GFPT2: variants seen among roughly 807,000 people sequenced by gnomAD.
The protein encoded by GFPT2 is glutamine--fructose-6-phosphate aminotransferase [isomerizing] 2.
A neutral mutation model predicts 85.6 loss-of-function variants in GFPT2; 62 were observed. The ratio of observed to expected loss-of-function variants is 0.72; its 90% CI spans 0.59 to 0.90. The LOEUF is 0.90. Ranked by LOEUF, GFPT2 falls within the 40% of genes least tolerant of loss-of-function variation. GFPT2 has a pLI of 0.00. For missense variants in GFPT2, 788 were observed against 893.4 expected (o/e 0.88, Z 1.50); for synonymous variants, 368 against 344.5 (o/e 1.07, Z -0.75).
chr5:180,302,622 C>G (rs1319171330), intron 17 of GFPT2, 38 bp from the exon 18 acceptor site: 2 of 1,537,774 alleles, frequency 1.3e-6, no homozygotes, highest in Non-Finnish European at 9.0e-7. Context: ...TAGACCCTCT[C>G]TGAAAGAAGC....
Position 180,328,476 on chromosome 5 carries a change from A to G in GFPT2, c.535-138T>C. ...TCCCTCGGGGAGCTGAGTGCAGAAC[A>G]GCGCATCCGGGGTGACATCACGAGG... On this transcript the variant is annotated intron_variant, in intron 6 of 18. Transcript: ENST00000253778. The surrounding 1 kb of genome is among the most constrained non-coding windows in gnomAD (Gnocchi z 5.4). 2 of 666,142 alleles carry G rather than the reference A, an allele frequency of 3.0e-6. No individual in the cohort carries two copies. Among genetic ancestry groups the G allele is most frequent in the Non-Finnish European group, 5.4e-6 (2 of 370,870 alleles). 41.3% of individuals were successfully genotyped at this position (666,142 alleles called of 1,614,324 possible).
intron 2 of GFPT2, among the ~76,000 whole-genome samples, chr5:180,336,805 C>T (rs1030057759): frequency 2.6e-5 from 4 of 152,256 alleles, no homozygotes; most frequent in Non-Finnish European, 5.9e-5. Flanking sequence ...TGCCCCCAGC[C>T]CTGCTCCTGC....
chr5:180,327,404 G>A (rs1035128833), intron 7 of GFPT2, among the ~76,000 whole-genome samples: 1 of 152,168 alleles, frequency 6.6e-6, no homozygotes, highest in African/African-American at 2.4e-5. Context: ...TTGCCAACGG[G>A]GATCCTGGGA....
chr5:180,324,395 T>G, intron 8 of GFPT2, 90 bp from the exon 9 acceptor site: 1 of 793,926 alleles, frequency 1.3e-6, no homozygotes, highest in Non-Finnish European at 2.1e-6. Flanking sequence ...TCTGAATATG[T>G]GTGGGAGAAA....
Position 180,312,522 on chromosome 5 carries a change from G to A in GFPT2, c.1454C>T (p.Ser485Phe). The A allele has an allele frequency of 6.3e-7, 1 of 1,591,222 alleles. No individual in the cohort carries two copies. Among genetic ancestry groups the A allele is most frequent in the Non-Finnish European group, 8.6e-7 (1 of 1,159,036 alleles). ...CATCATCAAACCAAACATCACCAGA[G>A]AGATGAACTGACTGGTATAAGCCTG... is the stretch of plus-strand genomic sequence containing the variant. Reference protein sequence around the residue: ...STKAYTSQFISLVMFGLMMSE... With the variant: ...STKAYTSQFIFLVMFGLMMSE... Residue 485 changes from serine (S) to phenylalanine (F), a missense_variant, in exon 15 of 19, where the codon TCT becomes TTT. By Grantham distance (155) the Ser-to-Phe change is radical. Transcript: ENST00000253778.
chr5:180,321,078 A>G (rs1253371153), intron 9 of GFPT2, among the ~76,000 whole-genome samples: 5 of 152,244 alleles, frequency 3.3e-5, no homozygotes, highest in African/African-American at 1.2e-4. Context: ...TTTGTATAAA[A>G]GTGTACAAAT....
rs1764017282 is a variant in GFPT2 at position 180,316,751 on chromosome 5, G to A, written c.1152+13C>T. 2 of 1,580,144 alleles carry A rather than the reference G, an allele frequency of 1.3e-6. No homozygotes were observed. The highest frequency in any genetic ancestry group is 1.1e-5 in the South Asian group (1 of 90,130). ...CTGCCGTCGACTTCCCCACGCACAT[G>A]TGTCACACTTACAGCCACGGCAGCG... On this transcript the variant is annotated intron_variant, in intron 12 of 18. Transcript: ENST00000253778.
intron 15 of GFPT2, among the ~76,000 whole-genome samples, chr5:180,311,856 G>A (rs1258080568): frequency 1.3e-5 from 2 of 152,132 alleles, no homozygotes; most frequent in African/African-American, 2.4e-5. Context: ...GAGATGAGAA[G>A]CTGTCGGCTG....
intron 1 of GFPT2, among the ~76,000 whole-genome samples, chr5:180,346,453 C>T (rs1343841062): frequency 6.6e-6 from 1 of 152,206 alleles, no homozygotes; most frequent in Non-Finnish European, 1.5e-5. Context: ...CCACCTTTCT[C>T]CTCCTGTTCA....
chr5:180,340,503 GC>G (rs1764493339), intron 1 of GFPT2, among the ~76,000 whole-genome samples: 1 of 142,010 alleles, frequency 7.0e-6, no homozygotes, highest in African/African-American at 2.6e-5. Context: ...ACCCTGCCTG[GC>G]CTGCAGGTTT....
Position 180,328,380 on chromosome 5 carries a change from C to G in GFPT2, c.535-42G>C. 6.6e-7 allele frequency: 1 copy of G among 1,514,354 alleles called. No homozygotes were observed. Among genetic ancestry groups the G allele is most frequent in the South Asian group, 1.1e-5 (1 of 89,090 alleles). 93.8% of individuals were successfully genotyped at this position (1,514,354 alleles called of 1,614,324 possible). Reference sequence around the variant, plus strand: ...AGTGAGGGTCAACGCGTTCCAGCAGCCGCTGCTGCAGCCTGGCCACAGCCC... The same window carrying G: ...AGTGAGGGTCAACGCGTTCCAGCAGGCGCTGCTGCAGCCTGGCCACAGCCC... On this transcript the variant is annotated intron_variant, in intron 6 of 18. Transcript: ENST00000253778. The surrounding 1 kb of genome is among the most constrained non-coding windows in gnomAD (Gnocchi z 5.4).
At chr5:180,346,542 C>A (rs369949899) in intron 1 of GFPT2, among the ~76,000 whole-genome samples, 3 of 152,314 alleles carry the variant, frequency 2.0e-5, no homozygotes, top group South Asian at 2.1e-4. Context: ...CTCTGCCCCG[C>A]GGGCCCACCG....
intron 2 of GFPT2, 26 bp from the exon 3 acceptor site, chr5:180,336,603 A>G (rs778056416): frequency 3.8e-5 from 55 of 1,449,442 alleles, no homozygotes; most frequent in Non-Finnish European, 5.1e-5. Context: ...CATTTGTTAT[A>G]TTGCAACCAA....
At chr5:180,325,845 C>T (rs1313026738) in intron 7 of GFPT2, among the ~76,000 whole-genome samples, 4 of 152,028 alleles carry the variant, frequency 2.6e-5, no homozygotes, top group Non-Finnish European at 4.4e-5. Flanking sequence ...GCCAACATGG[C>T]GGAACCCTGT....
intron 1 of GFPT2, among the ~76,000 whole-genome samples, chr5:180,346,255 C>A (rs1001469574): frequency 2.6e-5 from 4 of 152,124 alleles, no homozygotes; most frequent in South Asian, 2.1e-4. Context: ...TTTTTGCAAG[C>A]CTGGGCTCAC....
chr5:180,322,118 A>G (rs1764133509), intron 9 of GFPT2, among the ~76,000 whole-genome samples: 1 of 152,192 alleles, frequency 6.6e-6, no homozygotes. Flanking sequence ...CAGAATTCAC[A>G]GAATAATTTG....
chr5:180,351,863 C>T (rs1042322470), intron 1 of GFPT2, among the ~76,000 whole-genome samples: 2 of 152,090 alleles, frequency 1.3e-5, no homozygotes, highest in African/African-American at 4.8e-5. Context: ...GTGGGCAGAC[C>T]CTCCTGGTTC....
chr5:180,307,406 A>T, intron 15 of GFPT2, 103 bp from the exon 16 acceptor site: 2 of 1,122,670 alleles, frequency 1.8e-6, no homozygotes, highest in Non-Finnish European at 2.7e-6. Flanking sequence ...TTGAAACCGC[A>T]TCACTTAGCA....
chr5:180,338,834 G>A (rs1279366609), intron 1 of GFPT2, among the ~76,000 whole-genome samples: 1 of 152,222 alleles, frequency 6.6e-6, no homozygotes, highest in Admixed American at 6.5e-5. Flanking sequence ...CCACTGCTGA[G>A]AACTTATCCT....
Sources: gnomAD v4.1 joint callset for allele counts (sites outside exome capture counted in the v4.1 genomes callset) on GRCh38, gnomAD v4.1.1 for gene constraint, Gnocchi (gnomAD v3.1) non-coding constraint, MANE v1.5 for transcripts, NCBI Gene and HGNC (gene_info 2026-07-23, HGNC 2026-07-21) for gene names.